Variants in NIPA1 observed in about 807,000 individuals in gnomAD.
The protein encoded by NIPA1 is magnesium transporter NIPA1.
NIPA1 carries 13 observed loss-of-function variants against 23.9 expected under a neutral mutation model. The ratio of observed to expected loss-of-function variants is 0.54; its 90% CI spans 0.35 to 0.87. The LOEUF (loss-of-function observed/expected upper bound fraction) is 0.87. NIPA1 is among the 40% of genes least tolerant of loss of function. The probability of loss-of-function intolerance (pLI) is 0.01; values close to 1 mark genes in which losing one functional copy is unlikely to be tolerated. For synonymous variants in NIPA1, 234 were observed against 202.9 expected, an observed-to-expected ratio of 1.15 and a Z score of -1.30; for missense variants, 362 against 429.7, an observed-to-expected ratio of 0.84 and a Z score of 1.39.
At chr15:22,810,823 G>T in intron 2 of NIPA1, 27 bp downstream of exon 2, 4 of 1,579,840 alleles carry the variant, frequency 2.5e-6, no homozygotes, top group Non-Finnish European at 3.5e-6. Flanking sequence ...GCGAAGTCTG[G>T]TCTTTTCCTT....
Position 22,804,524 on chromosome 15 carries a change from T to C in NIPA1, c.179-6225T>C, listed in dbSNP as rs534530188. Among the ~76,000 whole-genome samples, 3 of 152,292 alleles carry C rather than the reference T, an allele frequency of 2.0e-5. No individual in the cohort carries two copies. In the South Asian group the frequency reaches 6.2e-4, roughly 32 times the overall value. On this transcript the variant is annotated intron_variant, in intron 1 of 4. Coordinates refer to ENST00000337435, the MANE Select transcript of NIPA1 (RefSeq NM_144599.5). ...GCTTTTGATTTCTGCCTGAGAAATC[T>C]TTGTCTCTCCTCAGGTCACAATGGC...
intron 2 of NIPA1, among the ~76,000 whole-genome samples, chr15:22,811,477 C>T (rs1260597697): frequency 6.6e-6 from 1 of 152,024 alleles, no homozygotes; most frequent in Middle Eastern, 3.2e-3. Flanking sequence ...TGGTGGGATG[C>T]ACCTGTTTTC....
At chr15:22,797,043 C>CTT (rs61661682) in intron 1 of NIPA1, among the ~76,000 whole-genome samples, 2,798 of 140,188 alleles carry the variant, frequency 0.02, 82 homozygotes, top group African/African-American at 0.066. Flanking sequence ...ATTGAGGTTT[C>CTT]TTTTTTTTTT....
intron 3 of NIPA1, among the ~76,000 whole-genome samples, chr15:22,815,440 G>C (rs1455450749): frequency 1.4e-5 from 2 of 139,782 alleles, no homozygotes; most frequent in Admixed American, 7.0e-5. Context: ...TGAACCCAGG[G>C]AGACCAGCCT....
chr15:22,787,612 C>T (rs958344193), intron 1 of NIPA1, among the ~76,000 whole-genome samples: 4 of 152,174 alleles, frequency 2.6e-5, no homozygotes, highest in Non-Finnish European at 5.9e-5. Flanking sequence ...TGCTGGGAGG[C>T]CCCGGACGGG....
chr15:22,802,136 G>A lies in NIPA1; in HGVS notation c.179-8613G>A, dbSNP rs543829780. On this transcript the variant is annotated intron_variant, in intron 1 of 4. Transcript: ENST00000337435. The stretch of plus-strand genomic sequence containing the variant: ...GGGTCGGGCACGGTGGCTCACGCCC[G>A]TAATCCCAGCACTTTGGGAGGCCGA... 1.6e-4 allele frequency among the ~76,000 whole-genome samples: 25 copies of A among 152,132 alleles called. No individual in the cohort carries two copies. In the South Asian group the frequency reaches 3.9e-3, roughly 24 times the overall value.
chr15:22,823,740 A>G lies in NIPA1; in HGVS notation c.491A>G (p.Tyr164Cys), dbSNP rs754342474. Residue 164 changes from tyrosine (Y) to cysteine (C), a missense_variant, in exon 5 of 5, where the codon TAC (tyrosine) becomes TGC (cysteine). Physicochemically the swap from Tyr to Cys is radical, Grantham distance 194. Around this residue, in one of 2 missense-constraint regions of NIPA1, gnomAD observed 277 missense variants for 372.0 expected, o/e 0.74. Transcript: ENST00000337435. The part of the protein sequence containing the change: ...EKLTNPVFVG[Y>C]LCIVLLMLLL... ...GTCTGTGTTCCAGTGTTTGTGGGCT[A>G]CCTGTGCATCGTGCTGCTCATGCTG... The G allele has an allele frequency of 2.5e-6, 4 of 1,608,384 alleles. No individual in the cohort carries two copies. Among genetic ancestry groups the G allele is most frequent in the Non-Finnish European group, 3.4e-6 (4 of 1,178,952 alleles).
At chr15:22,797,256 C>T (rs1489110343) in intron 1 of NIPA1, among the ~76,000 whole-genome samples, 1 of 151,400 alleles carries the variant, frequency 6.6e-6, no homozygotes, top group Non-Finnish European at 1.5e-5. Context: ...GTTGCCCAGG[C>T]TGGAGTGCAG....
intron 3 of NIPA1, among the ~76,000 whole-genome samples, chr15:22,812,483 C>G (rs922524240): frequency 1.3e-5 from 2 of 152,040 alleles, no homozygotes; most frequent in African/African-American, 4.8e-5. Flanking sequence ...GAAACCCTGT[C>G]TCTACTAACA....
chr15:22,808,024 T>C (rs1020217865), intron 1 of NIPA1, among the ~76,000 whole-genome samples: 4 of 152,040 alleles, frequency 2.6e-5, no homozygotes, highest in African/African-American at 4.8e-5. Flanking sequence ...CTCCTGACCT[T>C]GTGATCCACC....
At position 22,820,382 on chromosome 15, in the gene NIPA1, C is replaced by T. The variant is rs1169597568; in HGVS notation, c.387C>T (p.Ser129=). ...NILGKLGCLL[S]CAGSVVLIIH... is the part of the protein sequence containing the mutation. The stretch of plus-strand genomic sequence containing the variant: ...TGGGCAAGTTGGGGTGCCTGCTAAG[C>T]TGTGCAGGCTCCGTCGTGCTGATTA... The change falls in exon 4 of 5, where the codon AGC becomes AGT. Residue 129 remains serine (S), a synonymous_variant. Coordinates refer to ENST00000337435, the MANE Select transcript of NIPA1 (RefSeq NM_144599.5). 1.2e-6 allele frequency: 2 copies of T among 1,611,502 alleles called. No homozygotes were observed. Among genetic ancestry groups the T allele is most frequent in the East Asian group, 2.2e-5 (1 of 44,886 alleles).
rs1895147906 is a variant in NIPA1 at position 22,804,108 on chromosome 15, C to CG, written c.179-6641_179-6640insG. ...TCTCCTGCGTCAGCGTCCTGAGTAG[C>CG]TGGGATTACAGGCATGAACCACCAC... On this transcript the variant is annotated intron_variant, in intron 1 of 4. Coordinates refer to ENST00000337435, the MANE Select transcript of NIPA1 (RefSeq NM_144599.5). Among the ~76,000 whole-genome samples the CG allele has an allele frequency of 3.9e-5, 6 of 152,144 alleles. No individual in the cohort carries two copies. In the South Asian group the frequency reaches 1.0e-3, roughly 26 times the overall value.
chr15:22,789,068 A>G (rs1203404941), intron 1 of NIPA1, among the ~76,000 whole-genome samples: 2 of 151,390 alleles, frequency 1.3e-5, no homozygotes, highest in African/African-American at 4.9e-5. Flanking sequence ...ATCTTGGCTC[A>G]CTGAACCTCT....
chr15:22,806,213 G>T (rs569739950), intron 1 of NIPA1, among the ~76,000 whole-genome samples: 1 of 152,176 alleles, frequency 6.6e-6, no homozygotes, highest in Non-Finnish European at 1.5e-5. Flanking sequence ...GTGAGCCACC[G>T]CGCCCGGCCT....
chr15:22,809,601 C>T (rs1001182907), intron 1 of NIPA1, among the ~76,000 whole-genome samples: 1 of 151,144 alleles, frequency 6.6e-6, no homozygotes, highest in Non-Finnish European at 1.5e-5. Context: ...AAAAATTAGC[C>T]AGGTGTGGTG....
chr15:22,824,565 G>T lies in NIPA1; in HGVS notation c.*326G>T. The T allele has an allele frequency of 6.0e-6, 2 of 335,038 alleles. No individual in the cohort carries two copies. Among genetic ancestry groups the T allele is most frequent in the South Asian group, 6.1e-5 (2 of 32,720 alleles). 20.8% of individuals were successfully genotyped at this position (335,038 alleles called of 1,614,324 possible). A position where few individuals can be genotyped will look rare whatever the true frequency, so the allele number is the denominator to read the frequency against. On this transcript the variant is annotated 3_prime_UTR_variant, in exon 5 of 5. Coordinates refer to ENST00000337435, the MANE Select transcript of NIPA1 (RefSeq NM_144599.5). The surrounding 1 kb of genome is among the most constrained non-coding windows in gnomAD (Gnocchi z 4.1). ...AACATTATTTAAACAGAAAAAGATG[G>T]GCTCTTTCTGGTTAGTTGTTACATG...
At chr15:22,804,222 C>T (rs1895150912) in intron 1 of NIPA1, among the ~76,000 whole-genome samples, 1 of 152,076 alleles carries the variant, frequency 6.6e-6, no homozygotes, top group Admixed American at 6.6e-5. Context: ...AGGTGATTCA[C>T]CCACCTCAGC....
intron 3 of NIPA1, among the ~76,000 whole-genome samples, chr15:22,816,069 A>G (rs960805579): frequency 3.3e-5 from 5 of 151,860 alleles, no homozygotes; most frequent in African/African-American, 1.2e-4. Context: ...TCTATTCATC[A>G]TTGTACTGGA....
At chr15:22,802,850 T>A (rs1034622434) in intron 1 of NIPA1, among the ~76,000 whole-genome samples, 2 of 152,190 alleles carry the variant, frequency 1.3e-5, no homozygotes, top group East Asian at 3.8e-4. Context: ...GTTTGAAGAT[T>A]CATCGTGATG....
Sources: allele counts gnomAD v4.1 joint callset (sites outside exome capture counted in the v4.1 genomes callset), GRCh38; gene constraint gnomAD v4.1.1; regional missense constraint gnomAD v4.1.1; non-coding constraint Gnocchi (gnomAD v3.1); transcripts MANE v1.5; gene names NCBI Gene and HGNC (gene_info 2026-07-23, HGNC 2026-07-21).